Variants in QTMAN observed in about 807,000 individuals in gnomAD.
QTMAN encodes the protein tRNA-queuosine alpha-mannosyltransferase.
the QTMAN span, chr2:144,294,374 G>A: frequency 6.6e-6 from 1 of 152,174 alleles, no homozygotes; most frequent in African/African-American, 2.4e-5. Context: ...CCTGACCAGA[G>A]CAGGTTCTTT....
At chr2:144,190,198 T>C in the QTMAN span, among the ~76,000 whole-genome samples, 4 of 152,182 alleles carry the variant, frequency 2.6e-5, no homozygotes, top group Non-Finnish European at 5.9e-5. Context: ...TAAATCAAGA[T>C]TGGCTATTTA....
chr2:144,106,093 C>G, the QTMAN span, among the ~76,000 whole-genome samples: 1 of 152,152 alleles, frequency 6.6e-6, no homozygotes, highest in South Asian at 2.1e-4. Flanking sequence ...CCTAAAAGAG[C>G]TCCTGAAGGA....
chr2:144,127,058 A>G, the QTMAN span, among the ~76,000 whole-genome samples: 5 of 151,998 alleles, frequency 3.3e-5, no homozygotes, highest in East Asian at 9.6e-4. Flanking sequence ...TTACCTGCAT[A>G]TTAATCATCT....
At chr2:144,042,676 A>G in the QTMAN span, among the ~76,000 whole-genome samples, 12 of 150,732 alleles carry the variant, frequency 8.0e-5, no homozygotes, top group Non-Finnish European at 1.8e-4. Flanking sequence ...AGGCAGGAGA[A>G]TGGCGTGAAC....
the QTMAN span, among the ~76,000 whole-genome samples, chr2:144,042,445 T>G: frequency 2.6e-5 from 4 of 151,278 alleles, no homozygotes; most frequent in East Asian, 7.8e-4. Flanking sequence ...AGGAGAGGAA[T>G]AAAAGCTCCC....
chr2:144,147,443 T>C, the QTMAN span, among the ~76,000 whole-genome samples: 6 of 151,860 alleles, frequency 4.0e-5, no homozygotes, highest in South Asian at 6.2e-4. Flanking sequence ...ATGAAGATAT[T>C]TGTTTACCTA....
chr2:144,200,569 A>G, the QTMAN span, among the ~76,000 whole-genome samples: 1 of 152,210 alleles, frequency 6.6e-6, no homozygotes, highest in African/African-American at 2.4e-5. Flanking sequence ...AAAATGTAAG[A>G]ATTTGTGTTG....
At chr2:144,331,189 G>A in the QTMAN span, among the ~76,000 whole-genome samples, 1 of 152,176 alleles carries the variant, frequency 6.6e-6, no homozygotes, top group Non-Finnish European at 1.5e-5. Flanking sequence ...AGTGGGAGCC[G>A]AGAAGAATCT....
the QTMAN span, among the ~76,000 whole-genome samples, chr2:143,951,761 T>A: frequency 6.6e-6 from 1 of 151,486 alleles, no homozygotes; most frequent in Non-Finnish European, 1.5e-5. Context: ...CAGTAAATTT[T>A]AAAAAAGCAT....
At chr2:144,246,300 G>A in the QTMAN span, among the ~76,000 whole-genome samples, 103 of 152,252 alleles carry the variant, frequency 6.8e-4, no homozygotes, top group African/African-American at 2.2e-3. Context: ...AAGGCCGGGC[G>A]CGGTGGCTCA....
the QTMAN span, among the ~76,000 whole-genome samples, chr2:144,076,786 A>G: frequency 1.3e-5 from 2 of 152,158 alleles, no homozygotes; most frequent in Non-Finnish European, 2.9e-5. Context: ...ACTGTTTTAT[A>G]CTGTGCTATC....
chr2:144,279,451 A>G, the QTMAN span, among the ~76,000 whole-genome samples: 1 of 152,072 alleles, frequency 6.6e-6, no homozygotes, highest in Non-Finnish European at 1.5e-5. Flanking sequence ...TAGAAATTTC[A>G]TACCATGCTG....
At chr2:143,938,388 A>G in the QTMAN span, 1 of 152,244 alleles carries the variant, frequency 6.6e-6, no homozygotes, top group Admixed American at 6.5e-5. Context: ...CCCGCGGACC[A>G]TTAAAAACCT....
the QTMAN span, among the ~76,000 whole-genome samples, chr2:144,117,166 C>T: frequency 3.9e-5 from 6 of 152,200 alleles, no homozygotes; most frequent in Admixed American, 6.5e-5. Context: ...CCTACCTATC[C>T]TGACTCTCCA....
the QTMAN span, chr2:144,145,898 G>A: frequency 4.0e-6 from 1 of 247,238 alleles, no homozygotes; most frequent in Non-Finnish European, 7.5e-6. Context: ...AGCATTCTAA[G>A]TTTTGATCTC....
the QTMAN span, among the ~76,000 whole-genome samples, chr2:144,252,023 C>T: frequency 6.6e-6 from 1 of 151,878 alleles, no homozygotes; most frequent in Non-Finnish European, 1.5e-5. Context: ...CAGTGAGAAC[C>T]TGCCTCTATG....
the QTMAN span, chr2:144,006,443 G>A: frequency 6.6e-6 from 1 of 152,030 alleles, no homozygotes; most frequent in African/African-American, 2.4e-5. Flanking sequence ...ATAATCTGTG[G>A]GGGAAGTGTA....
At chr2:144,205,770 G>A in the QTMAN span, among the ~76,000 whole-genome samples, 1 of 152,188 alleles carries the variant, frequency 6.6e-6, no homozygotes, top group Non-Finnish European at 1.5e-5. Flanking sequence ...AGTTTAGGGT[G>A]CAGTCTAAGA....
the QTMAN span, among the ~76,000 whole-genome samples, chr2:143,984,611 CCT>C: frequency 9.2e-5 from 14 of 152,270 alleles, no homozygotes; most frequent in South Asian, 2.1e-4. Flanking sequence ...AAGAACTACC[CCT>C]GTTTTCCCAC....
Sources: allele counts gnomAD v4.1 joint callset (sites outside exome capture counted in the v4.1 genomes callset), GRCh38; gene constraint gnomAD v4.1.1; transcripts MANE v1.5; gene names NCBI Gene and HGNC (gene_info 2026-07-23, HGNC 2026-07-21).